CTNNA2: variants seen among roughly 807,000 people sequenced by gnomAD.
The protein encoded by CTNNA2 is catenin alpha-2.
A neutral mutation model predicts 101.0 loss-of-function variants in CTNNA2; 42 were observed. The ratio of observed to expected loss-of-function variants is 0.42; its 90% CI spans 0.32 to 0.54. The LOEUF (loss-of-function observed/expected upper bound fraction) is 0.54. CTNNA2 is among the 20% of genes least tolerant of loss of function. The pLI, the probability that CTNNA2 is intolerant of heterozygous loss-of-function variation, is 0.14. For missense variants in CTNNA2, 871 were observed against 1,223.1 expected (o/e 0.71, Z 4.29); for synonymous variants, 450 against 456.4 (o/e 0.99, Z 0.18).
At chr2:80,327,564 T>A (rs754123164) in intron 7 of CTNNA2, among the ~76,000 whole-genome samples, 19 of 151,996 alleles carry the variant, frequency 1.3e-4, no homozygotes, top group Non-Finnish European at 2.4e-4. Context: ...TTAGTGAGTA[T>A]GAGTTTCTTG....
intron 4 of CTNNA2, among the ~76,000 whole-genome samples, chr2:79,464,256 A>T (rs1026643638): frequency 6.6e-6 from 1 of 152,108 alleles, no homozygotes; most frequent in African/African-American, 2.4e-5. Flanking sequence ...TCCTTGTGGT[A>T]GTTTGCTCAG....
chr2:80,183,094 T>C (rs773429559), intron 7 of CTNNA2, among the ~76,000 whole-genome samples: 2 of 152,174 alleles, frequency 1.3e-5, no homozygotes, highest in Non-Finnish European at 2.9e-5. Flanking sequence ...CTGGTATTAT[T>C]CCTGGTGTTA....
intron 3 of CTNNA2, among the ~76,000 whole-genome samples, chr2:79,790,191 G>T (rs775077767): frequency 6.6e-6 from 1 of 152,076 alleles, no homozygotes; most frequent in East Asian, 1.9e-4. Context: ...TAAGTAAAAA[G>T]ATACAAATGA....
intron 18 of CTNNA2, among the ~76,000 whole-genome samples, chr2:80,638,392 C>T (rs1302367790): frequency 6.6e-6 from 1 of 152,082 alleles, no homozygotes; most frequent in Non-Finnish European, 1.5e-5. Context: ...TTTTTTGTTA[C>T]ATGGAAACCA....
chr2:79,370,960 G>C (rs946569488), intron 3 of CTNNA2, among the ~76,000 whole-genome samples: 45 of 152,228 alleles, frequency 3.0e-4, no homozygotes, highest in Middle Eastern at 6.8e-3. Flanking sequence ...CACACTGGAT[G>C]AATGGCTCAT....
chr2:79,444,611 C>T (rs1005630630), intron 4 of CTNNA2, among the ~76,000 whole-genome samples: 1 of 152,064 alleles, frequency 6.6e-6, no homozygotes, highest in Non-Finnish European at 1.5e-5. Context: ...ATCTTATGAA[C>T]CCCCTGGTGG....
At chr2:80,177,303 G>A (rs1383448624) in intron 7 of CTNNA2, among the ~76,000 whole-genome samples, 2 of 152,186 alleles carry the variant, frequency 1.3e-5, no homozygotes, top group African/African-American at 4.8e-5. Flanking sequence ...ATGCAGGATA[G>A]GCAAATCCAT....
At chr2:79,610,644 ACT>A (rs1207554664) in intron 1 of CTNNA2, among the ~76,000 whole-genome samples, 1 of 152,122 alleles carries the variant, frequency 6.6e-6, no homozygotes, top group Non-Finnish European at 1.5e-5. Context: ...TTCATATAAA[ACT>A]CTGGAAAATG....
intron 3 of CTNNA2, among the ~76,000 whole-genome samples, chr2:79,824,469 C>T (rs1410111801): frequency 6.9e-6 from 1 of 145,360 alleles, no homozygotes; most frequent in African/African-American, 2.7e-5. Flanking sequence ...GTTAGAACCA[C>T]GTCTTGTATT....
chr2:80,150,042 G>A (rs975484238), intron 7 of CTNNA2, among the ~76,000 whole-genome samples: 1 of 152,116 alleles, frequency 6.6e-6, no homozygotes, highest in African/African-American at 2.4e-5. Flanking sequence ...AGGCTCCAGA[G>A]GCCCTCTGCA....
chr2:79,911,397 A>G (rs1685786727), intron 7 of CTNNA2, among the ~76,000 whole-genome samples: 1 of 152,246 alleles, frequency 6.6e-6, no homozygotes, highest in African/African-American at 2.4e-5. Flanking sequence ...TTAAGATCTC[A>G]ATATAAATAA....
chr2:80,378,781 G>A (rs548992094), intron 7 of CTNNA2: 1 of 152,218 alleles, frequency 6.6e-6, no homozygotes, highest in Non-Finnish European at 1.5e-5. Flanking sequence ...GCTACAGCCA[G>A]GTATCTGACT....
At chr2:79,624,965 C>T (rs1209980199) in intron 1 of CTNNA2, among the ~76,000 whole-genome samples, 2 of 151,978 alleles carry the variant, frequency 1.3e-5, no homozygotes, top group African/African-American at 2.4e-5. Context: ...CTCTTAGTGG[C>T]AATTTGTGAT....
intron 7 of CTNNA2, among the ~76,000 whole-genome samples, chr2:80,220,893 G>C (rs1386503552): frequency 1.3e-5 from 2 of 151,972 alleles, no homozygotes; most frequent in African/African-American, 4.8e-5. Context: ...TTTTGTTTTT[G>C]TTTTCTGAGA....
chr2:80,590,163 T>C (rs556438750), intron 15 of CTNNA2, among the ~76,000 whole-genome samples: 2 of 152,304 alleles, frequency 1.3e-5, no homozygotes, highest in African/African-American at 4.8e-5. Flanking sequence ...TTTTCTATCA[T>C]TGCATTTTGG....
chr2:79,459,661 T>C (rs1444862859), intron 4 of CTNNA2, among the ~76,000 whole-genome samples: 1 of 152,180 alleles, frequency 6.6e-6, no homozygotes, highest in African/African-American at 2.4e-5. Context: ...CCGGCAGCTC[T>C]GATTACAAAG....
chr2:79,205,676 C>T (rs1055751825), intron 2 of CTNNA2, among the ~76,000 whole-genome samples: 2 of 152,124 alleles, frequency 1.3e-5, no homozygotes, highest in Admixed American at 6.5e-5. Flanking sequence ...TCCTCATTTC[C>T]CCTGAGCCCA....
rs113725100 is a variant in CTNNA2, at chr2:79,747,888, CCTT to C, written c.298+3309_298+3311del. 6.1e-3 allele frequency among the ~76,000 whole-genome samples: 924 copies of C among 152,284 alleles called. 11 individuals are homozygous for C. The highest frequency in any genetic ancestry group is 0.021 in the African/African-American group (872 of 41,550). ...GTATAAAACTCAAATGCCACGTGCT[CCTT>C]CTCTTGAACAGTGTCAAATTCAAAG... On this transcript the variant is annotated intron_variant, in intron 3 of 18. Coordinates refer to ENST00000402739, the MANE Select transcript of CTNNA2 (RefSeq NM_001282597.3).
chr2:80,569,843 T>C (rs1342748980), intron 12 of CTNNA2, among the ~76,000 whole-genome samples: 2 of 151,162 alleles, frequency 1.3e-5, no homozygotes, highest in African/African-American at 4.9e-5. Flanking sequence ...GGGGTTTCAC[T>C]GTGTTACCCA....
Sources: allele counts gnomAD v4.1 joint callset (sites outside exome capture counted in the v4.1 genomes callset), GRCh38; gene constraint gnomAD v4.1.1; transcripts MANE v1.5; gene names NCBI Gene and HGNC (gene_info 2026-07-23, HGNC 2026-07-21).